Variants in SKAP2 observed in about 807,000 individuals in gnomAD.
SKAP2 encodes src kinase associated phosphoprotein 2, also known as src kinase-associated phosphoprotein 2.
In SKAP2, 28 loss-of-function variants were observed where a neutral mutation model predicts 54.9. The ratio of observed to expected loss-of-function variants is 0.51; its 90% CI spans 0.38 to 0.70. SKAP2 has a LOEUF of 0.70. Among genes scored for constraint, SKAP2 ranks in the 30% least tolerant of loss-of-function variants. The pLI is 0.00. For missense variants in SKAP2, 356 were observed against 424.1 expected (o/e 0.84, Z 1.41); for synonymous variants, 137 against 134.3 (o/e 1.02, Z -0.14).
At chr7:26,862,524 T>C (rs1357398290) in intron 1 of SKAP2, among the ~76,000 whole-genome samples, 1 of 152,058 alleles carries the variant, frequency 6.6e-6, no homozygotes, top group Non-Finnish European at 1.5e-5. Context: ...AGTGAAAATG[T>C]CAATAAAATG....
In SKAP2 at chr7:26,738,778, T is replaced by G. The variant is rs766219327; in HGVS notation, c.469+17A>C. On this transcript the variant is annotated intron_variant, in intron 6 of 12. Transcript: ENST00000345317. ...TCTTTTGCAATAGTAGTTGATATAATTGAACACCAACATTACCTTTATCAC... is the reference window on the plus strand; with the variant it reads ...TCTTTTGCAATAGTAGTTGATATAAGTGAACACCAACATTACCTTTATCAC... 6.8e-7 allele frequency: 1 copy of G among 1,472,786 alleles called. No individual in the cohort carries two copies. The highest frequency in any genetic ancestry group is 2.3e-5 in the East Asian group (1 of 44,074). 91.2% of individuals were successfully genotyped at this position (1,472,786 alleles called of 1,614,324 possible).
In SKAP2 at chr7:26,735,085, A is replaced by G. The variant is rs112921061; in HGVS notation, c.469+3710T>C. 1.9e-3 allele frequency among the ~76,000 whole-genome samples: 282 copies of G among 152,266 alleles called. 2 individuals are homozygous for G. Among genetic ancestry groups the G allele is most frequent in the African/African-American group, 6.4e-3 (267 of 41,548 alleles). ...ATTGAAATGGTCAGTTTACCTGCCC[A>G]GCTCCCTCCTCCAACCCCACAGCAT... is the stretch of plus-strand genomic sequence containing the variant. On this transcript the variant is annotated intron_variant, in intron 6 of 12. Transcript: ENST00000345317.
At chr7:26,713,588 T>C (rs1167503675) in intron 9 of SKAP2, among the ~76,000 whole-genome samples, 1 of 150,662 alleles carries the variant, frequency 6.6e-6, no homozygotes, top group Non-Finnish European at 1.5e-5. Flanking sequence ...AAGATGCTTA[T>C]TTGTTCTTTT....
chr7:26,789,571 C>T (rs745545831), intron 4 of SKAP2, among the ~76,000 whole-genome samples: 2 of 152,026 alleles, frequency 1.3e-5, no homozygotes, highest in Non-Finnish European at 2.9e-5. Context: ...ATCATATTAC[C>T]TAATTTTTTT....
rs1275147717 is a variant in SKAP2, at chr7:26,669,349, T to C, written c.*317A>G. On this transcript the variant is annotated 3_prime_UTR_variant, in exon 13 of 13. Coordinates refer to ENST00000345317, the MANE Select transcript of SKAP2 (RefSeq NM_003930.5). ...GTAGCAATAGTAGCATACTATGCTA[T>C]AGTAGACTATATGTTACGTATAAAA... 3 of 152,162 alleles carry C rather than the reference T, an allele frequency of 2.0e-5. No homozygotes were observed. The highest frequency in any genetic ancestry group is 6.6e-5 in the Admixed American group (1 of 15,262). 9.4% of individuals were successfully genotyped at this position (152,162 alleles called of 1,614,324 possible).
At chr7:26,680,138 T>C (rs952503460) in intron 11 of SKAP2, among the ~76,000 whole-genome samples, 3 of 152,212 alleles carry the variant, frequency 2.0e-5, no homozygotes, top group African/African-American at 7.2e-5. Context: ...TCTCTAAAAA[T>C]AGTTTATTGC....
chr7:26,795,454 G>T (rs1409363613), intron 4 of SKAP2, among the ~76,000 whole-genome samples: 1 of 151,940 alleles, frequency 6.6e-6, no homozygotes, highest in Non-Finnish European at 1.5e-5. Flanking sequence ...GTGGATTTTT[G>T]AATTTTTCTT....
At chr7:26,691,415 G>A (rs1404397178) in intron 9 of SKAP2, among the ~76,000 whole-genome samples, 1 of 152,144 alleles carries the variant, frequency 6.6e-6, no homozygotes, top group Non-Finnish European at 1.5e-5. Context: ...TGGATTCAAA[G>A]AGAATCATAA....
intron 6 of SKAP2, among the ~76,000 whole-genome samples, chr7:26,735,682 A>G (rs1787915377): frequency 6.6e-6 from 1 of 152,202 alleles, no homozygotes; most frequent in Non-Finnish European, 1.5e-5. Flanking sequence ...TAGTTCTCAT[A>G]TAGCTAGATA....
At chr7:26,694,715 C>T (rs976780833) in intron 9 of SKAP2, among the ~76,000 whole-genome samples, 13 of 150,956 alleles carry the variant, frequency 8.6e-5, no homozygotes, top group African/African-American at 3.2e-4. Context: ...TTGGCCTTCT[C>T]TCTGAGTTAA....
chr7:26,841,726 G>A (rs1010992141), intron 4 of SKAP2, among the ~76,000 whole-genome samples: 1 of 152,024 alleles, frequency 6.6e-6, no homozygotes, highest in African/African-American at 2.4e-5. Flanking sequence ...ACATAGAGAT[G>A]TGCAGGTTTG....
At chr7:26,674,589 C>A (rs1786313234) in intron 11 of SKAP2, among the ~76,000 whole-genome samples, 1 of 152,154 alleles carries the variant, frequency 6.6e-6, no homozygotes, top group Admixed American at 6.5e-5. Flanking sequence ...AGGAAACTGA[C>A]ACAATCTCTA....
At chr7:26,708,235 T>C (rs1014600319) in intron 9 of SKAP2, among the ~76,000 whole-genome samples, 3 of 152,174 alleles carry the variant, frequency 2.0e-5, no homozygotes, top group Non-Finnish European at 1.5e-5. Flanking sequence ...GTCCCATCTC[T>C]TTGCTTTCAC....
intron 4 of SKAP2, among the ~76,000 whole-genome samples, chr7:26,830,258 A>T (rs1201543253): frequency 6.6e-6 from 1 of 152,188 alleles, no homozygotes; most frequent in Non-Finnish European, 1.5e-5. Flanking sequence ...GGTTAGGAGA[A>T]AACTGAGAGT....
chr7:26,674,517 C>T (rs1315206548), intron 11 of SKAP2, among the ~76,000 whole-genome samples: 2 of 152,106 alleles, frequency 1.3e-5, no homozygotes, highest in African/African-American at 4.8e-5. Flanking sequence ...ACAACCTCGG[C>T]GTTTTACTAT....
intron 6 of SKAP2, among the ~76,000 whole-genome samples, chr7:26,733,911 A>T (rs1787871452): frequency 6.6e-6 from 1 of 152,182 alleles, no homozygotes. Context: ...CCCTGAGAGG[A>T]GGTACTAAGA....
At chr7:26,787,888 C>A (rs528666580) in intron 4 of SKAP2, among the ~76,000 whole-genome samples, 1 of 152,172 alleles carries the variant, frequency 6.6e-6, no homozygotes, top group East Asian at 1.9e-4. Flanking sequence ...CCGAGTCTCG[C>A]TCTGTCGCCC....
At chr7:26,792,435 C>T (rs2127981928) in intron 4 of SKAP2, among the ~76,000 whole-genome samples, 1 of 152,286 alleles carries the variant, frequency 6.6e-6, no homozygotes, top group African/African-American at 2.4e-5. Flanking sequence ...TTCTATATAT[C>T]TCACATACAT....
At chr7:26,849,535 A>T (rs1784995352) in intron 3 of SKAP2, among the ~76,000 whole-genome samples, 1 of 152,012 alleles carries the variant, frequency 6.6e-6, no homozygotes, top group Non-Finnish European at 1.5e-5. Context: ...AATACAAAAA[A>T]TTAGCCAGGC....
Sources: allele counts gnomAD v4.1 joint callset (sites outside exome capture counted in the v4.1 genomes callset), GRCh38; gene constraint gnomAD v4.1.1; transcripts MANE v1.5; gene names NCBI Gene and HGNC (gene_info 2026-07-23, HGNC 2026-07-21).